Variants in TMEM273 observed in about 807,000 individuals in gnomAD.
The protein encoded by TMEM273 is transmembrane protein 273.
TMEM273 carries 19 observed loss-of-function variants against 17.9 expected under a neutral mutation model. The observed-to-expected ratio is 1.06, with a 90% CI of 0.74 to 1.55. The LOEUF (loss-of-function observed/expected upper bound fraction) is 1.55, where lower values mean the gene tolerates loss of function less well. Among genes scored for constraint, TMEM273 ranks in the 40% most tolerant of loss-of-function variants. The probability of loss-of-function intolerance (pLI) is 0.00; values close to 1 mark genes in which losing one functional copy is unlikely to be tolerated. For synonymous variants in TMEM273, 66 were observed against 62.0 expected (o/e 1.07, Z -0.31); for missense variants, 194 against 155.6 (o/e 1.25, Z -1.31).
In TMEM273 at chr10:49,188,352, T is replaced by C. The variant is rs141593519; in HGVS notation, c.-16A>G. The C allele has an allele frequency of 6.8e-5, 109 of 1,614,128 alleles. 1 individual carries two copies. In the East Asian group the frequency reaches 2.0e-3, roughly 30 times the overall value. On this transcript the variant is annotated 5_prime_UTR_variant, in exon 1 of 7. Transcript: ENST00000374153. ...CCAAGTTCATGCTGGCGCTCTGCTC[T>C]TGGCTCCTGGCTCCTGGCTGCTGGC...
At chr10:49,161,816 C>T (rs1693626301) in intron 5 of TMEM273, among the ~76,000 whole-genome samples, 194 bp from the exon 6 acceptor site, 1 of 152,122 alleles carries the variant, frequency 6.6e-6, no homozygotes, top group Non-Finnish European at 1.5e-5. Context: ...CTGAAAGTCC[C>T]TCTATTTGCA....
chr10:49,181,325 G>A (rs1434492178), intron 1 of TMEM273, among the ~76,000 whole-genome samples: 2 of 152,120 alleles, frequency 1.3e-5, no homozygotes, highest in South Asian at 2.1e-4. Context: ...CCCATCAAAA[G>A]CCCAGCAAGA....
At chr10:49,163,183 C>T (rs1394842535) in intron 5 of TMEM273, among the ~76,000 whole-genome samples, 1 of 152,166 alleles carries the variant, frequency 6.6e-6, no homozygotes, top group Non-Finnish European at 1.5e-5. Flanking sequence ...CTCTACTCTC[C>T]CGCATCAGTG....
At chr10:49,186,340 G>A (rs545886981) in intron 1 of TMEM273, among the ~76,000 whole-genome samples, 15 of 152,218 alleles carry the variant, frequency 9.9e-5, no homozygotes, top group East Asian at 1.9e-4. Flanking sequence ...CCGTGGTTTC[G>A]GCAGTGTTGA....
chr10:49,164,744 C>T (rs1278249308), intron 5 of TMEM273, among the ~76,000 whole-genome samples: 3 of 152,168 alleles, frequency 2.0e-5, no homozygotes, highest in Non-Finnish European at 4.4e-5. Flanking sequence ...CCGCACGTAG[C>T]CTGAGGCTCC....
intron 1 of TMEM273, among the ~76,000 whole-genome samples, chr10:49,183,371 G>A (rs889045575): frequency 6.6e-6 from 1 of 151,826 alleles, no homozygotes; most frequent in African/African-American, 2.4e-5. Context: ...GTGTGTGTGT[G>A]TGTGTGTATA....
At chr10:49,160,548 G>A (rs1448822207) in intron 6 of TMEM273, 6 of 151,998 alleles carry the variant, frequency 3.9e-5, no homozygotes, top group Non-Finnish European at 7.4e-5. Context: ...TTTCTGGATT[G>A]GAAAATAGCA....
rs1446079203 is a variant in TMEM273, at chr10:49,167,059, C to G, written c.98-50G>C. 3 of 1,600,810 alleles carry G rather than the reference C, an allele frequency of 1.9e-6. No homozygotes were observed. In the East Asian group the frequency reaches 6.7e-5, roughly 36 times the overall value. ...ACCCGGTTTCAGTCACCTGCAGCTC[C>G]CTCTGCATTCCAGATGAGGTCCAAA... On this transcript the variant is annotated intron_variant, in intron 2 of 6. Coordinates refer to ENST00000374153, the MANE Select transcript of TMEM273 (RefSeq NM_001288740.3).
chr10:49,158,613 G>C (rs960748609), intron 6 of TMEM273, among the ~76,000 whole-genome samples: 1 of 152,192 alleles, frequency 6.6e-6, no homozygotes, highest in Non-Finnish European at 1.5e-5. Context: ...GCCTCTCTAG[G>C]CTCAGCCTCT....
rs1237870262 is a variant in TMEM273 at position 49,165,792 on chromosome 10, G to C, written c.243C>G (p.Thr81=). The part of the protein sequence containing the change: ...LKSTPGGLSD[T]IPLKKRAPRK... ...TTGGGGCTCTCTTCTTTAGCGGGAT[G>C]GTGTCTAAACAGAGAAAGCCGGGCA... Residue 81 remains threonine (T), a synonymous_variant, in exon 4 of 7, where the codon ACC becomes ACG. Coordinates refer to ENST00000374153, the MANE Select transcript of TMEM273 (RefSeq NM_001288740.3). 1 of 1,614,164 alleles carries C rather than the reference G, an allele frequency of 6.2e-7. No individual in the cohort carries two copies. Among genetic ancestry groups the C allele is most frequent in the East Asian group, 2.2e-5 (1 of 44,872 alleles).
At chr10:49,165,348 T>C (rs766146617) in intron 4 of TMEM273, 65 bp from the exon 5 acceptor site, 9 of 1,549,840 alleles carry the variant, frequency 5.8e-6, no homozygotes, top group South Asian at 1.2e-5. Context: ...GGACCGTCCC[T>C]GAGGACGTGG....
intron 6 of TMEM273, chr10:49,156,248 T>A (rs1479811499): frequency 1.5e-6 from 2 of 1,361,432 alleles, no homozygotes; most frequent in Non-Finnish European, 1.9e-6. Context: ...TTTGCACAGA[T>A]CTGGCCAGAT....
In TMEM273 at chr10:49,161,588, T is replaced by G; in HGVS notation, c.372+11A>C. 1 of 1,614,230 alleles carries G rather than the reference T, an allele frequency of 6.2e-7. No individual in the cohort carries two copies. Among genetic ancestry groups the G allele is most frequent in the Non-Finnish European group, 8.5e-7 (1 of 1,180,038 alleles). ...CTCCTTTTAAGACAAGTGATCACTC[T>G]TACAACTCACCTTTTGGAGAAATTG... On this transcript the variant is annotated intron_variant, in intron 6 of 6. Coordinates refer to ENST00000374153, the MANE Select transcript of TMEM273 (RefSeq NM_001288740.3).
At chr10:49,174,517 T>G (rs991023720) in intron 1 of TMEM273, among the ~76,000 whole-genome samples, 1 of 152,166 alleles carries the variant, frequency 6.6e-6, no homozygotes, top group Non-Finnish European at 1.5e-5. Context: ...CGGAACCACC[T>G]GAGATTTCTC....
At chr10:49,157,691 A>G (rs954181793) in intron 6 of TMEM273, among the ~76,000 whole-genome samples, 1 of 152,232 alleles carries the variant, frequency 6.6e-6, no homozygotes, top group Admixed American at 6.5e-5. Context: ...ATGCTCCTTA[A>G]CATGATAAGA....
chr10:49,185,454 C>T (rs1383108499), intron 1 of TMEM273, among the ~76,000 whole-genome samples: 1 of 152,046 alleles, frequency 6.6e-6, no homozygotes, highest in African/African-American at 2.4e-5. Context: ...GGCCTGGTCA[C>T]CCACCCTCAC....
chr10:49,178,725 T>C (rs1046106880), intron 1 of TMEM273, among the ~76,000 whole-genome samples: 2 of 152,200 alleles, frequency 1.3e-5, no homozygotes, highest in African/African-American at 2.4e-5. Flanking sequence ...CTAGTTTGGT[T>C]CAAGAGCTTC....
At chr10:49,157,487 T>G (rs906268770) in intron 6 of TMEM273, among the ~76,000 whole-genome samples, 2 of 152,276 alleles carry the variant, frequency 1.3e-5, no homozygotes, top group East Asian at 1.9e-4. Context: ...AAGAATCACA[T>G]AGACCAACAA....
intron 1 of TMEM273, among the ~76,000 whole-genome samples, chr10:49,175,644 T>A (rs1846902362): frequency 6.6e-6 from 1 of 152,342 alleles, no homozygotes; most frequent in Non-Finnish European, 1.5e-5. Context: ...TTCAGGCTAA[T>A]GGAGGGGTGG....
Sources: gnomAD v4.1 joint callset for allele counts (sites outside exome capture counted in the v4.1 genomes callset) on GRCh38, gnomAD v4.1.1 for gene constraint, MANE v1.5 for transcripts, NCBI Gene and HGNC (gene_info 2026-07-23, HGNC 2026-07-21) for gene names.